GNA14: variants seen among roughly 807,000 people sequenced by gnomAD.
GNA14 encodes G protein subunit alpha 14, also known as guanine nucleotide-binding protein subunit alpha-14.
Under a neutral mutation model 42.0 loss-of-function variants are expected in GNA14, and 50 were observed. The observed-to-expected ratio is 1.19, with a 90% CI of 0.95 to 1.51. GNA14 has a LOEUF of 1.51. Ranked by LOEUF, GNA14 falls within the 40% of genes most tolerant of loss-of-function variation. The pLI is 0.00. For synonymous variants in GNA14, 173 were observed against 163.1 expected, an observed-to-expected ratio of 1.06 and a Z score of -0.46; for missense variants, 473 against 446.2, an observed-to-expected ratio of 1.06 and a Z score of -0.54.
intron 2 of GNA14, among the ~76,000 whole-genome samples, chr9:77,512,074 G>A (rs1437571846): frequency 6.6e-6 from 1 of 151,066 alleles, no homozygotes; most frequent in East Asian, 1.9e-4. Context: ...CTGCCTGCTT[G>A]GCCCCCACTG....
intron 2 of GNA14, among the ~76,000 whole-genome samples, chr9:77,466,286 A>G (rs2165962): frequency 6.6e-6 from 1 of 151,936 alleles, no homozygotes; most frequent in African/African-American, 2.4e-5. Flanking sequence ...ATCTGAGACC[A>G]TGCTTCCTTT....
chr9:77,514,682 C>T (rs1392852256), intron 2 of GNA14, among the ~76,000 whole-genome samples: 1 of 149,290 alleles, frequency 6.7e-6, no homozygotes, highest in African/African-American at 2.5e-5. Flanking sequence ...GGTGCGATCT[C>T]GGCTCACTGC....
At chr9:77,490,902 A>G (rs1836762269) in intron 2 of GNA14, among the ~76,000 whole-genome samples, 1 of 152,234 alleles carries the variant, frequency 6.6e-6, no homozygotes. Context: ...AGGCGCCGAG[A>G]GCGAGCAAGG....
At chr9:77,515,969 A>AAAAAAAAAAAC (rs1837249926) in intron 2 of GNA14, among the ~76,000 whole-genome samples, 2 of 148,002 alleles carry the variant, frequency 1.4e-5, no homozygotes, top group Non-Finnish European at 3.0e-5. Context: ...ACAAAAAAAA[A>AAAAAAAAAAAC]AAAAAAAAAA....
Position 77,478,716 on chromosome 9 carries a change from C to T in GNA14, c.310-44194G>A, listed in dbSNP as rs548666373. Among the ~76,000 whole-genome samples the T allele has an allele frequency of 2.1e-4, 32 of 152,170 alleles. No homozygotes were observed. The East Asian group carries it at 5.4e-3, about 26-fold the overall frequency. Reference sequence around the variant, plus strand: ...TGTTTCCTGACTTTTTAATGATTGCCATTCTAACTGGTGTGAGATGGTATC... The same window carrying T: ...TGTTTCCTGACTTTTTAATGATTGCTATTCTAACTGGTGTGAGATGGTATC... On this transcript the variant is annotated intron_variant, in intron 2 of 6. Transcript: ENST00000341700.
intron 1 of GNA14, among the ~76,000 whole-genome samples, chr9:77,539,421 A>C (rs1837633423): frequency 6.6e-6 from 1 of 152,130 alleles, no homozygotes; most frequent in Admixed American, 6.5e-5. Context: ...TATTTAGTCG[A>C]AGACTTTTTG....
At chr9:77,438,072 C>A (rs564249485) in intron 2 of GNA14, among the ~76,000 whole-genome samples, 1 of 152,240 alleles carries the variant, frequency 6.6e-6, no homozygotes, top group South Asian at 2.1e-4. Flanking sequence ...ACCGGGAGAC[C>A]TCACCAGGAG....
intron 1 of GNA14, among the ~76,000 whole-genome samples, chr9:77,587,094 C>T (rs1823317415): frequency 6.9e-6 from 1 of 144,644 alleles, no homozygotes; most frequent in South Asian, 2.3e-4. Context: ...TTTCTAGCTC[C>T]TGTTATCATT....
intron 1 of GNA14, among the ~76,000 whole-genome samples, chr9:77,548,978 T>C (rs1837758079): frequency 6.6e-6 from 1 of 152,090 alleles, no homozygotes; most frequent in African/African-American, 2.4e-5. Flanking sequence ...TCTTGCTCTA[T>C]TGCCAGGCTG....
chr9:77,558,319 T>C lies in GNA14; in HGVS notation c.125-29066A>G, dbSNP rs532865174. On this transcript the variant is annotated intron_variant, in intron 1 of 6. Coordinates refer to ENST00000341700, the MANE Select transcript of GNA14 (RefSeq NM_004297.4). ...ATAGACAGACAGACAGACAAATAGA[T>C]AAGCAAATATGGCAAAATGTTGACA... is the stretch of plus-strand genomic sequence containing the variant. 1.2e-3 allele frequency among the ~76,000 whole-genome samples: 182 copies of C among 152,222 alleles called. 1 individual carries two copies. The highest frequency in any genetic ancestry group is 4.2e-3 in the African/African-American group (176 of 41,536).
At position 77,580,723 on chromosome 9, in the gene GNA14, T is replaced by C. The variant is rs1008438246; in HGVS notation, c.125-51470A>G. The C allele has an allele frequency of 5.4e-5, 12 of 223,136 alleles. 1 individual carries two copies. Among genetic ancestry groups the C allele is most frequent in the Non-Finnish European group, 3.9e-5 (4 of 102,184 alleles). 13.8% of individuals were successfully genotyped at this position (223,136 alleles called of 1,614,324 possible). On this transcript the variant is annotated intron_variant, in intron 1 of 6. Transcript: ENST00000341700. ...AGATGCTCCAAATATCATACACAAATGAGCAGGGCCACGATGGGAGTGTGC... is the reference window on the plus strand; with the variant it reads ...AGATGCTCCAAATATCATACACAAACGAGCAGGGCCACGATGGGAGTGTGC...
chr9:77,469,932 A>C (rs1296440665), intron 2 of GNA14, among the ~76,000 whole-genome samples: 1 of 152,216 alleles, frequency 6.6e-6, no homozygotes, highest in Non-Finnish European at 1.5e-5. Flanking sequence ...GTGCATACAT[A>C]ATTTTGTAAA....
intron 1 of GNA14, among the ~76,000 whole-genome samples, chr9:77,534,630 G>A (rs1231331044): frequency 6.6e-6 from 1 of 152,160 alleles, no homozygotes; most frequent in African/African-American, 2.4e-5. Context: ...AACAAAAGAA[G>A]TCAGAACAAG....
chr9:77,601,601 A>G (rs912220096), intron 1 of GNA14, among the ~76,000 whole-genome samples: 2 of 152,254 alleles, frequency 1.3e-5, no homozygotes, highest in African/African-American at 4.8e-5. Flanking sequence ...CTCCTGAAAC[A>G]GGAAATGGAA....
At chr9:77,524,862 G>A (rs978538778) in intron 2 of GNA14, among the ~76,000 whole-genome samples, 1 of 152,090 alleles carries the variant, frequency 6.6e-6, no homozygotes, top group African/African-American at 2.4e-5. Context: ...TTTCTCGAGG[G>A]TCATTTAATT....
chr9:77,431,602 C>T, intron 3 of GNA14, 153 bp from the exon 4 acceptor site: 2 of 603,226 alleles, frequency 3.3e-6, no homozygotes, highest in Non-Finnish European at 2.9e-6. Context: ...CCAGGCCAGG[C>T]TTCTCCATCC....
At chr9:77,587,115 T>G (rs1448888459) in intron 1 of GNA14, among the ~76,000 whole-genome samples, 1 of 14,158 alleles carries the variant, frequency 7.1e-5, no homozygotes, top group African/African-American at 7.9e-4. Context: ...TGGATAGCTA[T>G]ACTTAAAAAA....
chr9:77,476,493 G>C (rs970485194), intron 2 of GNA14, among the ~76,000 whole-genome samples: 1 of 152,208 alleles, frequency 6.6e-6, no homozygotes, highest in African/African-American at 2.4e-5. Flanking sequence ...CAGGAGTGTA[G>C]AGGGTCCACA....
At chr9:77,577,017 C>T (rs1823139983) in intron 1 of GNA14, among the ~76,000 whole-genome samples, 2 of 152,178 alleles carry the variant, frequency 1.3e-5, no homozygotes, top group Non-Finnish European at 2.9e-5. Context: ...TATGTGCATG[C>T]ACAGAAATCT....
Sources: gnomAD v4.1 joint callset for allele counts (sites outside exome capture counted in the v4.1 genomes callset) on GRCh38, gnomAD v4.1.1 for gene constraint, MANE v1.5 for transcripts, NCBI Gene and HGNC (gene_info 2026-07-23, HGNC 2026-07-21) for gene names.